The following NR1D2 variants were observed in gnomAD, a reference collection of about 807,000 sequenced individuals.
The protein encoded by NR1D2 is nuclear receptor subfamily 1 group D member 2.
In NR1D2, 25 loss-of-function variants were observed where a neutral mutation model predicts 52.2. The ratio of observed to expected loss-of-function variants is 0.48; its 90% CI spans 0.35 to 0.67. NR1D2 has a LOEUF of 0.67. NR1D2 is among the 30% of genes least tolerant of loss of function. The pLI, the probability that NR1D2 is intolerant of heterozygous loss-of-function variation, is 0.01. For synonymous variants in NR1D2, 259 were observed against 230.1 expected (o/e 1.13, Z -1.14); for missense variants, 681 against 707.2 (o/e 0.96, Z 0.42).
At chr3:23,947,370 C>T (rs1705765138) in intron 1 of NR1D2, among the ~76,000 whole-genome samples, 1 of 152,224 alleles carries the variant, frequency 6.6e-6, no homozygotes, top group Admixed American at 6.5e-5. Flanking sequence ...CCCCTTCCCC[C>T]TTCAGTTCTT....
intron 1 of NR1D2, among the ~76,000 whole-genome samples, 186 bp downstream of exon 1, chr3:23,945,780 T>C (rs1442434570): frequency 2.0e-5 from 3 of 150,098 alleles, no homozygotes; most frequent in Admixed American, 2.0e-4. Flanking sequence ...CCCGCCCTCT[T>C]GTCTCCCTGC....
chr3:23,976,645 A>G (rs1262123329), intron 7 of NR1D2, among the ~76,000 whole-genome samples: 1 of 152,240 alleles, frequency 6.6e-6, no homozygotes, highest in African/African-American at 2.4e-5. Context: ...GCAAGAGCGT[A>G]CCTAAGATGG....
intron 3 of NR1D2, among the ~76,000 whole-genome samples, chr3:23,956,620 A>G (rs1336469357): frequency 6.6e-6 from 1 of 152,256 alleles, no homozygotes; most frequent in African/African-American, 2.4e-5. Context: ...AAATAATGCC[A>G]AGTGAGTAAA....
intron 1 of NR1D2, chr3:23,946,041 G>T: frequency 2.1e-6 from 2 of 941,176 alleles, no homozygotes; most frequent in South Asian, 4.9e-5. Flanking sequence ...GCGCGCGCGC[G>T]CGCGCTGGCT....
intron 3 of NR1D2, 27 bp from the exon 4 acceptor site, chr3:23,959,644 G>T (rs769552503): frequency 1.2e-6 from 2 of 1,600,120 alleles, no homozygotes; most frequent in Non-Finnish European, 1.7e-6. Context: ...TTTTTAAATG[G>T]GTAAGTAAAT....
intron 3 of NR1D2, 87 bp downstream of exon 3, chr3:23,956,212 C>CTT: frequency 9.9e-7 from 1 of 1,010,072 alleles, no homozygotes. Flanking sequence ...AATTGATAGT[C>CTT]TGAGAGACAG....
Position 23,979,820 on chromosome 3 carries a change from T to C in NR1D2, c.*2401T>C, listed in dbSNP as rs1358114975. 2.0e-5 allele frequency: 3 copies of C among 152,126 alleles called. No individual in the cohort carries two copies. The highest frequency in any genetic ancestry group is 4.4e-5 in the Non-Finnish European group (3 of 67,970). 9.4% of individuals were successfully genotyped at this position (152,126 alleles called of 1,614,324 possible). On this transcript the variant is annotated 3_prime_UTR_variant, in exon 8 of 8. Transcript: ENST00000312521. ...GCAGCCAATTTAGGAAACTTCTGAG[T>C]TGGTGGGACACTGTTGATTAATAAT...
intron 6 of NR1D2, among the ~76,000 whole-genome samples, chr3:23,966,304 A>G (rs1316798008): frequency 1.3e-5 from 2 of 152,134 alleles, no homozygotes. Flanking sequence ...AAGTAATATA[A>G]TTGTTAACCG....
intron 1 of NR1D2, among the ~76,000 whole-genome samples, chr3:23,949,071 A>G (rs527285837): frequency 2.0e-5 from 3 of 152,200 alleles, no homozygotes; most frequent in Non-Finnish European, 4.4e-5. Context: ...ATTTTATAAA[A>G]TAAGACCGAT....
rs887254155 is a variant in NR1D2 at position 23,951,092 on chromosome 3, A to G, written c.17-3445A>G. Among the ~76,000 whole-genome samples, 6 of 151,692 alleles carry G rather than the reference A, an allele frequency of 4.0e-5. No homozygotes were observed. The East Asian group carries it at 1.2e-3, about 29-fold the overall frequency. On this transcript the variant is annotated intron_variant, in intron 1 of 7. Transcript: ENST00000312521. ...GGCTAATTTTGTATTTTTAGTAGAG[A>G]TGGGGTTTCTCCATGTTGGTCAGGC... is the stretch of plus-strand genomic sequence containing the variant.
At chr3:23,971,044 G>A (rs962735364) in intron 7 of NR1D2, among the ~76,000 whole-genome samples, 2 of 152,136 alleles carry the variant, frequency 1.3e-5, no homozygotes, top group East Asian at 1.9e-4. Context: ...GCCTCCCAAA[G>A]TGCTGGGATT....
At chr3:23,946,340 G>A (rs1484567284) in intron 1 of NR1D2, 14 of 974,214 alleles carry the variant, frequency 1.4e-5, no homozygotes, top group Non-Finnish European at 1.7e-5. Flanking sequence ...ATTCCGAGGA[G>A]GAAGTGCAGG....
intron 2 of NR1D2, among the ~76,000 whole-genome samples, chr3:23,955,487 T>C (rs1166092820): frequency 6.6e-6 from 1 of 152,044 alleles, no homozygotes; most frequent in African/African-American, 2.4e-5. Context: ...AAAGGAAAAA[T>C]CCGGGTCAGC....
At chr3:23,948,827 A>G (rs1193425418) in intron 1 of NR1D2, among the ~76,000 whole-genome samples, 2 of 152,226 alleles carry the variant, frequency 1.3e-5, no homozygotes, top group African/African-American at 4.8e-5. Context: ...GAAGATTTAT[A>G]CGCAACTTGG....
chr3:23,955,958 GAAATA>G (rs1706071340), intron 2 of NR1D2, 74 bp from the exon 3 acceptor site: 2 of 983,786 alleles, frequency 2.0e-6, no homozygotes, highest in Non-Finnish European at 3.2e-6. Flanking sequence ...CACGTTGAAT[GAAATA>G]AAATATCTAA....
At chr3:23,954,182 A>T (rs1388797327) in intron 1 of NR1D2, among the ~76,000 whole-genome samples, 1 of 152,010 alleles carries the variant, frequency 6.6e-6, no homozygotes, top group Non-Finnish European at 1.5e-5. Flanking sequence ...AAGTTTTTAA[A>T]TTTTTTTGTA....
intron 1 of NR1D2, among the ~76,000 whole-genome samples, chr3:23,945,798 C>T (rs1297474339): frequency 1.3e-5 from 2 of 150,468 alleles, no homozygotes; most frequent in Non-Finnish European, 3.0e-5. Context: ...TGCAAAGCCG[C>T]AGCGCGGCCT....
chr3:23,969,154 C>T (rs1416348953), intron 7 of NR1D2, among the ~76,000 whole-genome samples: 3 of 152,086 alleles, frequency 2.0e-5, no homozygotes, highest in African/African-American at 7.2e-5. Context: ...GGCATGGTGG[C>T]ACGTGCCTGT....
At chr3:23,947,659 ATT>A (rs1349458761) in intron 1 of NR1D2, among the ~76,000 whole-genome samples, 1 of 152,234 alleles carries the variant, frequency 6.6e-6, no homozygotes, top group Non-Finnish European at 1.5e-5. Flanking sequence ...GTTAGATTTC[ATT>A]CATTGTGCAG....
Sources: gnomAD v4.1 joint callset for allele counts (sites outside exome capture counted in the v4.1 genomes callset) on GRCh38, gnomAD v4.1.1 for gene constraint, MANE v1.5 for transcripts, NCBI Gene and HGNC (gene_info 2026-07-23, HGNC 2026-07-21) for gene names.